Variants in MACROD2 observed in about 807,000 individuals in gnomAD.
MACROD2 encodes ADP-ribose glycohydrolase MACROD2.
MACROD2 carries 36 observed loss-of-function variants against 70.4 expected under a neutral mutation model. The observed-to-expected ratio is 0.51, with a 90% confidence interval of 0.39 to 0.68. The LOEUF (loss-of-function observed/expected upper bound fraction) is 0.68. MACROD2 is among the 30% of genes least tolerant of loss of function. MACROD2 has a pLI of 0.00. For missense variants in MACROD2, 496 were observed against 538.4 expected (o/e 0.92, Z 0.78); for synonymous variants, 172 against 178.8 (o/e 0.96, Z 0.30).
At chr20:14,452,156 A>G (rs1394724750) in intron 3 of MACROD2, among the ~76,000 whole-genome samples, 1 of 152,164 alleles carries the variant, frequency 6.6e-6, no homozygotes, top group Non-Finnish European at 1.5e-5. Flanking sequence ...AGGATAGAAG[A>G]TAATAATGAA....
intron 2 of MACROD2, among the ~76,000 whole-genome samples, chr20:14,011,550 C>T (rs752213752): frequency 1.3e-5 from 2 of 149,874 alleles, no homozygotes; most frequent in African/African-American, 4.9e-5. Flanking sequence ...TTTTGTAAGA[C>T]GGAGTCTTGC....
intron 2 of MACROD2, among the ~76,000 whole-genome samples, chr20:14,031,208 T>C (rs995376808): frequency 2.6e-5 from 4 of 152,238 alleles, no homozygotes; most frequent in African/African-American, 9.6e-5. Flanking sequence ...CTCTTAAATA[T>C]TTCATGCATG....
At chr20:15,377,495 T>C (rs1186439966) in intron 6 of MACROD2, among the ~76,000 whole-genome samples, 1 of 152,200 alleles carries the variant, frequency 6.6e-6, no homozygotes, top group Non-Finnish European at 1.5e-5. Context: ...TTCCTTTTAT[T>C]ATGGAGGAAT....
At chr20:15,979,247 G>T (rs1207107906) in intron 13 of MACROD2, among the ~76,000 whole-genome samples, 1 of 152,184 alleles carries the variant, frequency 6.6e-6, no homozygotes, top group Non-Finnish European at 1.5e-5. Context: ...GGTTGGCTGT[G>T]TTCCACATGC....
intron 3 of MACROD2, among the ~76,000 whole-genome samples, chr20:14,171,978 T>TTGTC (rs1482225998): frequency 3.3e-5 from 5 of 152,208 alleles, no homozygotes; most frequent in Admixed American, 3.3e-4. Context: ...ATCTCATTTC[T>TTGTC]TAGGTCTAAT....
chr20:15,223,781 A>AT (rs1358788028), intron 5 of MACROD2, among the ~76,000 whole-genome samples: 1 of 152,076 alleles, frequency 6.6e-6, no homozygotes, highest in Non-Finnish European at 1.5e-5. Context: ...TATGTTCAAA[A>AT]TTTTTTTACT....
intron 3 of MACROD2, among the ~76,000 whole-genome samples, chr20:14,192,942 T>C (rs2081400393): frequency 6.6e-6 from 1 of 152,150 alleles, no homozygotes. Flanking sequence ...TGTCAAACAG[T>C]TTAACTTGAT....
At chr20:14,223,428 T>G (rs1043048715) in intron 3 of MACROD2, 1 of 152,132 alleles carries the variant, frequency 6.6e-6, no homozygotes, top group Admixed American at 6.6e-5. Flanking sequence ...AAGGCTCTTA[T>G]GCAATTGATG....
intron 3 of MACROD2, among the ~76,000 whole-genome samples, chr20:14,460,551 G>A (rs1362531482): frequency 6.6e-6 from 1 of 151,958 alleles, no homozygotes; most frequent in Non-Finnish European, 1.5e-5. Flanking sequence ...TATGATATTG[G>A]CTGTGGGTTT....
intron 5 of MACROD2, among the ~76,000 whole-genome samples, chr20:14,911,555 T>A (rs972437934): frequency 5.9e-5 from 9 of 152,020 alleles, no homozygotes; most frequent in Admixed American, 5.9e-4. Context: ...TTTTAAACTT[T>A]TTTTTTAAAG....
intron 5 of MACROD2, among the ~76,000 whole-genome samples, chr20:14,934,406 G>A (rs187349579): frequency 6.6e-6 from 1 of 152,096 alleles, no homozygotes; most frequent in Non-Finnish European, 1.5e-5. Context: ...GTAATCCTAC[G>A]CACCTTCAAC....
chr20:15,036,544 C>T (rs969001553), intron 5 of MACROD2, among the ~76,000 whole-genome samples: 1 of 152,120 alleles, frequency 6.6e-6, no homozygotes. Flanking sequence ...GACTGCTGCT[C>T]TACATCATCA....
chr20:14,643,925 A>G (rs1040012156), intron 4 of MACROD2, among the ~76,000 whole-genome samples: 10 of 152,166 alleles, frequency 6.6e-5, no homozygotes, highest in Non-Finnish European at 1.5e-4. Flanking sequence ...TAAAAAACCC[A>G]AAACTTCCTT....
At chr20:15,564,295 G>A (rs16996001) in intron 8 of MACROD2, among the ~76,000 whole-genome samples, 21,491 of 152,028 alleles carry the variant, frequency 0.14, 4,078 homozygotes, top group African/African-American at 0.43. Context: ...CGTAACACTG[G>A]TATCTTTTTG....
intron 4 of MACROD2, among the ~76,000 whole-genome samples, chr20:14,665,076 G>T (rs143616138): frequency 1.1e-3 from 163 of 152,262 alleles, no homozygotes; most frequent in African/African-American, 3.7e-3. Context: ...TTAGGGCAAA[G>T]AACTTTGTTA....
At chr20:14,186,619 T>A (rs777869366) in intron 3 of MACROD2, among the ~76,000 whole-genome samples, 6 of 152,110 alleles carry the variant, frequency 3.9e-5, no homozygotes, top group Non-Finnish European at 7.4e-5. Flanking sequence ...CGAAACTAAA[T>A]CATTCTGCCA....
At chr20:15,705,819 A>C (rs1480930919) in intron 8 of MACROD2, among the ~76,000 whole-genome samples, 1 of 152,190 alleles carries the variant, frequency 6.6e-6, no homozygotes, top group African/African-American at 2.4e-5. Context: ...TCAATTTATA[A>C]ATAAGTATAG....
chr20:15,673,797 A>G (rs2050016804), intron 8 of MACROD2, among the ~76,000 whole-genome samples: 1 of 150,166 alleles, frequency 6.7e-6, no homozygotes, highest in Non-Finnish European at 1.5e-5. Flanking sequence ...AAAAAAAAAC[A>G]GCCCTGATCT....
At chr20:14,854,908 C>T (rs1406322894) in intron 5 of MACROD2, among the ~76,000 whole-genome samples, 2 of 151,834 alleles carry the variant, frequency 1.3e-5, no homozygotes, top group African/African-American at 4.8e-5. Context: ...CCCAGCTACT[C>T]GGGAGGCTGA....
Sources: gnomAD v4.1 joint callset for allele counts (sites outside exome capture counted in the v4.1 genomes callset) on GRCh38, gnomAD v4.1.1 for gene constraint, MANE v1.5 for transcripts, NCBI Gene and HGNC (gene_info 2026-07-23, HGNC 2026-07-21) for gene names.